SLC44A4: variants seen among roughly 807,000 people sequenced by gnomAD.
SLC44A4 encodes the protein solute carrier family 44 member 4.
SLC44A4 carries 74 observed loss-of-function variants against 97.0 expected under a neutral mutation model. The ratio of observed to expected loss-of-function variants is 0.76; its 90% CI spans 0.63 to 0.93. The LOEUF (loss-of-function observed/expected upper bound fraction) is 0.93, where lower values mean the gene tolerates loss of function less well. SLC44A4 is among the 40% of genes least tolerant of loss of function. The probability of loss-of-function intolerance (pLI) is 0.00; values close to 1 mark genes in which losing one functional copy is unlikely to be tolerated. For synonymous variants in SLC44A4, 325 were observed against 363.8 expected (o/e 0.89, Z 1.21); for missense variants, 799 against 902.9 (o/e 0.88, Z 1.48).
Position 31,863,602 on chromosome 6 carries a change from C to T in SLC44A4, c.*25G>A. 1.3e-6 allele frequency: 2 copies of T among 1,595,844 alleles called. No homozygotes were observed. The highest frequency in any genetic ancestry group is 1.7e-6 in the Non-Finnish European group (2 of 1,172,092). On this transcript the variant is annotated 3_prime_UTR_variant, in exon 21 of 21. Transcript: ENST00000229729. ...ATGGCTGGACGGTGGGGGTGGGGTG[C>T]AGTCCTGGATCAGGGCCGGAGCTGT...
Position 31,870,633 on chromosome 6 carries a change from A to T in SLC44A4, c.1007T>A (p.Ile336Asn). Reference protein sequence around the residue: ...MLIFLRQRIRIAIALLKEASK... With the variant: ...MLIFLRQRIRNAIALLKEASK... ...GGCCTCCTTCAGGAGGGCGATGGCAATACGAATCCGCTGCCGCAGGAAGAT... is the reference window on the plus strand; with the variant it reads ...GGCCTCCTTCAGGAGGGCGATGGCATTACGAATCCGCTGCCGCAGGAAGAT... Residue 336 changes from isoleucine to asparagine, a missense_variant, in exon 11 of 21, where the codon ATT becomes AAT. Ile to Asn is a moderately radical substitution (Grantham distance 149). This residue lies in a region of SLC44A4 where 409 missense variants were observed against 434.1 expected (regional missense o/e 0.94). Transcript: ENST00000229729. 1.2e-6 allele frequency: 2 copies of T among 1,607,358 alleles called. No individual in the cohort carries two copies. Among genetic ancestry groups the T allele is most frequent in the Non-Finnish European group, 1.7e-6 (2 of 1,177,496 alleles).
chr6:31,863,489 G>A lies in SLC44A4; in HGVS notation c.*138C>T. 1.6e-6 allele frequency: 2 copies of A among 1,255,184 alleles called. No homozygotes were observed. Among genetic ancestry groups the A allele is most frequent in the South Asian group, 1.8e-5 (1 of 57,046 alleles). 77.8% of individuals were successfully genotyped at this position (1,255,184 alleles called of 1,614,324 possible). On this transcript the variant is annotated 3_prime_UTR_variant, in exon 21 of 21. Coordinates refer to ENST00000229729, the MANE Select transcript of SLC44A4 (RefSeq NM_025257.3). ...GATCCGCCCGCCTCAGCCTCTCAAA[G>A]TGTTGGATTACAGGCGTGAGCCACG...
At chr6:31,870,544 C>T in intron 11 of SLC44A4, 59 bp downstream of exon 11, 1 of 1,421,346 alleles carries the variant, frequency 7.0e-7, no homozygotes, top group Non-Finnish European at 9.7e-7. Context: ...CCTAGGTCCC[C>T]TAGCACTCCT....
At chr6:31,871,810 G>A (rs1048401692) in intron 7 of SLC44A4, among the ~76,000 whole-genome samples, 22 of 152,196 alleles carry the variant, frequency 1.4e-4, no homozygotes, top group African/African-American at 5.1e-4. Context: ...AGAACACCCT[G>A]TCACCCTTCC....
chr6:31,874,833 G>A lies in SLC44A4; in HGVS notation c.356C>T (p.Ser119Phe), dbSNP rs369935073. 2.5e-6 allele frequency: 4 copies of A among 1,612,822 alleles called. No individual in the cohort carries two copies. In the African/African-American group the frequency reaches 5.3e-5, roughly 22 times the overall value. ...CACAGTCCATGGGTCCTCCGGGCAGGAGGACACACACACCTGGGTGCAGAG... is the reference window on the plus strand; with the variant it reads ...CACAGTCCATGGGTCCTCCGGGCAGAAGGACACACACACCTGGGTGCAGAG... ...QCPTPQVCVS[S>F]CPEDPWTVGK... The change falls in exon 6 of 21, where the codon TCC becomes TTC. Residue 119 changes from serine (S) to phenylalanine (F), a missense_variant. Physicochemically the swap from Ser to Phe is radical, Grantham distance 155. Transcript: ENST00000229729. This position sits in a 1 kb window ranked among gnomAD's most constrained non-coding sequence, Gnocchi z 4.8.
At chr6:31,870,771 C>A in intron 10 of SLC44A4, 41 bp downstream of exon 10, 1 of 1,612,330 alleles carries the variant, frequency 6.2e-7, no homozygotes, top group African/African-American at 1.3e-5. Context: ...CCAGGGCGGT[C>A]CTTGGGCAGC....
chr6:31,877,696 C>T lies in SLC44A4; in HGVS notation c.41-614G>A. ...TCCCCTGGCCACAGTGTGCTCCGGG[C>T]TCTGGGCCAGCAGTCAGAGTGACAC... is the stretch of plus-strand genomic sequence containing the variant. On this transcript the variant is annotated intron_variant, in intron 1 of 20. Transcript: ENST00000229729. This position sits in a 1 kb window ranked among gnomAD's most constrained non-coding sequence, Gnocchi z 6.5. The T allele has an allele frequency of 1.1e-6, 1 of 925,542 alleles. No homozygotes were observed. Among genetic ancestry groups the T allele is most frequent in the Non-Finnish European group, 1.3e-6 (1 of 775,290 alleles). 57.3% of individuals were successfully genotyped at this position (925,542 alleles called of 1,614,324 possible).
intron 7 of SLC44A4, 23 bp from the exon 8 acceptor site, chr6:31,871,584 T>C: frequency 1.9e-6 from 3 of 1,595,960 alleles, no homozygotes; most frequent in Non-Finnish European, 1.7e-6. Context: ...GCCGGGCTGC[T>C]GGGTTGGGGG....
chr6:31,868,284 G>A (rs1323288939), intron 13 of SLC44A4, among the ~76,000 whole-genome samples: 1 of 152,184 alleles, frequency 6.6e-6, no homozygotes, highest in Non-Finnish European at 1.5e-5. Flanking sequence ...TCTCTCTCGG[G>A]TCCCCCGCAG....
rs1046589879 is a variant in SLC44A4 at position 31,876,325 on chromosome 6, G to A, written c.90-196C>T. On this transcript the variant is annotated intron_variant, in intron 2 of 20. Coordinates refer to ENST00000229729, the MANE Select transcript of SLC44A4 (RefSeq NM_025257.3). The surrounding 1 kb of genome is among the most constrained non-coding windows in gnomAD (Gnocchi z 4.8). ...ACTCTGTCACACAGACTGGAGTGCA[G>A]TGGTGCAATCTTGGCTCACTGCAGC... Among the ~76,000 whole-genome samples the A allele has an allele frequency of 1.3e-5, 2 of 152,168 alleles. No individual in the cohort carries two copies. The highest frequency in any genetic ancestry group is 4.8e-5 in the African/African-American group (2 of 41,438).
At chr6:31,875,213 G>A (rs1763382436) in intron 4 of SLC44A4, among the ~76,000 whole-genome samples, 185 bp from the exon 5 acceptor site, 1 of 152,180 alleles carries the variant, frequency 6.6e-6, no homozygotes, top group Admixed American at 6.5e-5. Flanking sequence ...ATCTCTCAGA[G>A]TAAGTCACCA....
chr6:31,877,122 T>C lies in SLC44A4; in HGVS notation c.41-40A>G, dbSNP rs1460311727. 6 of 1,590,620 alleles carry C rather than the reference T, an allele frequency of 3.8e-6. No individual in the cohort carries two copies. The South Asian group carries it at 6.8e-5, about 18-fold the overall frequency. On this transcript the variant is annotated intron_variant, in intron 1 of 20. Coordinates refer to ENST00000229729, the MANE Select transcript of SLC44A4 (RefSeq NM_025257.3). The surrounding 1 kb of genome is among the most constrained non-coding windows in gnomAD (Gnocchi z 6.5). ...AAGAGGTGTGGAGGATGAGTCTCTC[T>C]CTGCATATCTTGTCCTGCTGAGTCC...
chr6:31,875,414 G>A (rs372998038), intron 4 of SLC44A4, among the ~76,000 whole-genome samples: 1 of 152,184 alleles, frequency 6.6e-6, no homozygotes, highest in Non-Finnish European at 1.5e-5. Context: ...CATAGTAAAT[G>A]CTATATAAAT....
Position 31,864,885 on chromosome 6 carries a change from G to C in SLC44A4, c.1857C>G (p.Ser619=). 1 of 1,613,844 alleles carries C rather than the reference G, an allele frequency of 6.2e-7. No individual in the cohort carries two copies. The highest frequency in any genetic ancestry group is 1.7e-5 in the Admixed American group (1 of 59,968). The change falls in exon 19 of 21, where the codon TCC becomes TCG. Residue 619 remains serine (S), a synonymous_variant. Coordinates refer to ENST00000229729, the MANE Select transcript of SLC44A4 (RefSeq NM_025257.3). The part of the protein sequence containing the change: ...GVGVLSFFFF[S]GRIPGLGKDF... ...CTTTACCCAGCCCCGGGATGCGACCGGAGAAAAAAAAGAAGGACAGGACCC... is the reference window on the plus strand; with the variant it reads ...CTTTACCCAGCCCCGGGATGCGACCCGAGAAAAAAAAGAAGGACAGGACCC...
In SLC44A4 at chr6:31,870,534, C is replaced by G. The variant is rs1036348918; in HGVS notation, c.1037+69G>C. On this transcript the variant is annotated intron_variant, in intron 11 of 20. Transcript: ENST00000229729. Reference sequence around the variant, plus strand: ...GCTCCCTGCCACCTCTCTAGCACCCCCTAGGTCCCCTAGCACTCCTGGGTC... The same window carrying G: ...GCTCCCTGCCACCTCTCTAGCACCCGCTAGGTCCCCTAGCACTCCTGGGTC... 3.0e-6 allele frequency: 4 copies of G among 1,312,924 alleles called. No individual in the cohort carries two copies. In the African/African-American group the frequency reaches 5.9e-5, roughly 19 times the overall value. 81.3% of individuals were successfully genotyped at this position (1,312,924 alleles called of 1,614,324 possible).
At position 31,876,160 on chromosome 6, in the gene SLC44A4, T is replaced by C; in HGVS notation, c.90-31A>G. On this transcript the variant is annotated intron_variant, in intron 2 of 20. Coordinates refer to ENST00000229729, the MANE Select transcript of SLC44A4 (RefSeq NM_025257.3). This position sits in a 1 kb window ranked among gnomAD's most constrained non-coding sequence, Gnocchi z 4.8. ...AGAGAAACGAAACGGGAGGCTGAGC[T>C]AAGGAGACTTGGGGAGGTAGGGCTT... The C allele has an allele frequency of 6.3e-7, 1 of 1,588,102 alleles. No homozygotes were observed. The highest frequency in any genetic ancestry group is 8.6e-7 in the Non-Finnish European group (1 of 1,162,100).
Position 31,878,915 on chromosome 6 carries a change from G to T in SLC44A4, c.40+26C>A, listed in dbSNP as rs1380208449. On this transcript the variant is annotated intron_variant, in intron 1 of 20. Transcript: ENST00000229729. The surrounding 1 kb of genome is among the most constrained non-coding windows in gnomAD (Gnocchi z 4.0). Reference sequence around the variant, plus strand: ...TACCCGTCCTCCCCTCCCTCCACAGGGTCCCGGGCCTCGCCCCAGTCTCAC... The same window carrying T: ...TACCCGTCCTCCCCTCCCTCCACAGTGTCCCGGGCCTCGCCCCAGTCTCAC... 13 of 1,613,252 alleles carry T rather than the reference G, an allele frequency of 8.1e-6. No homozygotes were observed. Among genetic ancestry groups the T allele is most frequent in the Non-Finnish European group, 1.1e-5 (13 of 1,179,408 alleles).
Position 31,865,547 on chromosome 6 carries a change from C to T in SLC44A4, c.1637G>A (p.Trp546Ter), listed in dbSNP as rs1179318852. The change falls in exon 16 of 21, where the codon TGG (tryptophan) becomes TAG (stop). Residue 546 changes from tryptophan (W) to a stop codon, truncating the protein, a stop_gained. Coordinates refer to ENST00000229729, the MANE Select transcript of SLC44A4 (RefSeq NM_025257.3). LOFTEE classifies it high-confidence loss of function. This position sits in a 1 kb window ranked among gnomAD's most constrained non-coding sequence, Gnocchi z 5.2. ...GAACTTGATAAATTTTTCCAGACAC[C>T]AGAGGCAGCACTTGAAACAGCACAT... ...CIMCCFKCCLWCLEKFIKFLN... is the reference protein window; with the variant it reads ...CIMCCFKCCL The T allele has an allele frequency of 6.3e-7, 1 of 1,598,746 alleles. No homozygotes were observed. Among genetic ancestry groups the T allele is most frequent in the East Asian group, 2.2e-5 (1 of 44,610 alleles).
chr6:31,864,463 G>T, intron 20 of SLC44A4, 189 bp downstream of exon 20: 1 of 613,420 alleles, frequency 1.6e-6, no homozygotes, highest in Non-Finnish European at 2.9e-6. Context: ...GAGCCTACCG[G>T]CCTGGGGGCT....
Sources: allele counts gnomAD v4.1 joint callset (sites outside exome capture counted in the v4.1 genomes callset), GRCh38; gene constraint gnomAD v4.1.1; regional missense constraint gnomAD v4.1.1; non-coding constraint Gnocchi (gnomAD v3.1); transcripts MANE v1.5; gene names NCBI Gene and HGNC (gene_info 2026-07-23, HGNC 2026-07-21).